Variants in LIN54 observed in about 807,000 individuals in gnomAD.
The protein encoded by LIN54 is protein lin-54 homolog.
LIN54 carries 9 observed loss-of-function variants against 78.7 expected under a neutral mutation model. That is an observed-to-expected ratio of 0.11 (90% CI 0.07 to 0.20). The LOEUF (loss-of-function observed/expected upper bound fraction) is 0.20, where lower values mean the gene tolerates loss of function less well. Among genes scored for constraint, LIN54 ranks in the 10% least tolerant of loss-of-function variants. The pLI, the probability that LIN54 is intolerant of heterozygous loss-of-function variation, is 1.00. For missense variants in LIN54, 573 were observed against 889.9 expected (o/e 0.64, Z 4.53); for synonymous variants, 269 against 318.4 (o/e 0.84, Z 1.65).
At chr4:83,005,456 G>A (rs1055193937) in intron 1 of LIN54, among the ~76,000 whole-genome samples, 3 of 151,982 alleles carry the variant, frequency 2.0e-5, no homozygotes, top group African/African-American at 7.2e-5. Context: ...TGGCCAACAT[G>A]GGGAAAGCCC....
chr4:82,984,047 T>C (rs1006888648), intron 2 of LIN54, 114 bp downstream of exon 2: 24 of 719,054 alleles, frequency 3.3e-5, no homozygotes, highest in South Asian at 2.4e-4. Flanking sequence ...TAAAACAACA[T>C]TCAAAAGAAT....
chr4:82,973,516 A>G (rs1725859210), intron 3 of LIN54, among the ~76,000 whole-genome samples: 4 of 152,192 alleles, frequency 2.6e-5, no homozygotes, highest in Admixed American at 6.5e-5. Flanking sequence ...GTTGTCAGGT[A>G]TTCTCCAAGA....
chr4:82,979,842 CAGG>C (rs1321001933), intron 2 of LIN54, among the ~76,000 whole-genome samples: 5 of 145,638 alleles, frequency 3.4e-5, no homozygotes, highest in African/African-American at 5.1e-5. Flanking sequence ...GAGGCTGAGG[CAGG>C]AGAATTGCTT....
At chr4:82,953,863 C>T (rs955680488) in intron 4 of LIN54, among the ~76,000 whole-genome samples, 8 of 152,018 alleles carry the variant, frequency 5.3e-5, no homozygotes, top group African/African-American at 1.9e-4. Flanking sequence ...TTGTCTCAGC[C>T]TGGGAGGTGA....
intron 1 of LIN54, among the ~76,000 whole-genome samples, chr4:83,006,867 T>A (rs1366497957): frequency 6.6e-6 from 1 of 152,230 alleles, no homozygotes; most frequent in Non-Finnish European, 1.5e-5. Context: ...GGGCCAGGCG[T>A]GATGGCTCAC....
chr4:82,945,647 C>T (rs988844040), intron 5 of LIN54, among the ~76,000 whole-genome samples: 1 of 152,058 alleles, frequency 6.6e-6, no homozygotes, highest in Non-Finnish European at 1.5e-5. Context: ...GCACACACCA[C>T]CACACCCGGC....
chr4:82,950,330 C>T (rs377046268), intron 4 of LIN54, among the ~76,000 whole-genome samples: 22 of 152,304 alleles, frequency 1.4e-4, no homozygotes, highest in Admixed American at 9.8e-4. Context: ...AACACTCTCT[C>T]CCCAGCCCTA....
chr4:82,952,059 G>A (rs998865509), intron 4 of LIN54, among the ~76,000 whole-genome samples: 1 of 152,112 alleles, frequency 6.6e-6, no homozygotes, highest in Non-Finnish European at 1.5e-5. Flanking sequence ...TCACAACACT[G>A]GGTCTGGCAA....
chr4:82,984,208 T>C lies in LIN54; in HGVS notation c.637A>G (p.Thr213Ala), dbSNP rs1381271320. Residue 213 changes from threonine to alanine, a missense_variant, in exon 2 of 13, where the codon ACA becomes GCA. Physicochemically the swap from Thr to Ala is moderately conservative, Grantham distance 58 (BLOSUM62 0). Transcript: ENST00000340417. ...LTPGSQLINT[T>A]TQPSVLQTQQ... ...GTCTGTAACACAGAGGGCTGAGTTG[T>C]AGTATTAATCAGTTGACTTCCTGGG... 1.2e-6 allele frequency: 2 copies of C among 1,614,022 alleles called. No individual in the cohort carries two copies. The highest frequency in any genetic ancestry group is 4.5e-5 in the East Asian group (2 of 44,896).
intron 4 of LIN54, among the ~76,000 whole-genome samples, chr4:82,948,434 T>C (rs1482668738): frequency 6.6e-6 from 1 of 152,232 alleles, no homozygotes; most frequent in Admixed American, 6.5e-5. Context: ...TGATTGTGTA[T>C]ATTTAAGGTA....
At chr4:82,973,062 C>T (rs561850335) in intron 3 of LIN54, among the ~76,000 whole-genome samples, 36 of 151,284 alleles carry the variant, frequency 2.4e-4, no homozygotes, top group Non-Finnish European at 4.4e-4. Flanking sequence ...ACAAAAGTTT[C>T]ATTATAAATT....
intron 4 of LIN54, 110 bp from the exon 5 acceptor site, chr4:82,946,584 A>C: frequency 1.3e-6 from 1 of 797,106 alleles, no homozygotes; most frequent in Non-Finnish European, 2.0e-6. Flanking sequence ...ATTGCATCAA[A>C]AGCTGCTGAA....
At chr4:82,973,005 C>T (rs1023893924) in intron 3 of LIN54, among the ~76,000 whole-genome samples, 7 of 146,488 alleles carry the variant, frequency 4.8e-5, no homozygotes, top group Admixed American at 4.8e-4. Flanking sequence ...CTGAGGATAA[C>T]TGGTATCAGA....
chr4:83,012,104 T>TA, upstream of LIN54: 2 of 842,850 alleles, frequency 2.4e-6, no homozygotes, highest in Non-Finnish European at 1.4e-6. Context: ...TTGCTGTTTT[T>TA]ATATGCAGAC....
At chr4:82,941,548 G>T (rs897743282) in intron 5 of LIN54, among the ~76,000 whole-genome samples, 1 of 152,116 alleles carries the variant, frequency 6.6e-6, no homozygotes, top group African/African-American at 2.4e-5. Flanking sequence ...TGAAATAAAA[G>T]AAAAATTAAT....
chr4:83,006,341 C>T (rs944857420), intron 1 of LIN54, among the ~76,000 whole-genome samples: 4 of 150,964 alleles, frequency 2.6e-5, no homozygotes, highest in African/African-American at 4.9e-5. Context: ...CCCAGCTACT[C>T]GGGAGGCTGA....
intron 1 of LIN54, among the ~76,000 whole-genome samples, chr4:82,990,518 C>T (rs894726072): frequency 2.6e-5 from 4 of 151,822 alleles, no homozygotes; most frequent in East Asian, 1.9e-4. Context: ...GAGTCTCACT[C>T]GGTCGCCCAG....
intron 3 of LIN54, among the ~76,000 whole-genome samples, chr4:82,972,670 A>ATTACAT (rs1356861604): frequency 6.6e-6 from 1 of 152,190 alleles, no homozygotes; most frequent in Non-Finnish European, 1.5e-5. Flanking sequence ...TGTGTTAGGA[A>ATTACAT]TTACATATCT....
At chr4:82,946,835 T>C (rs183412784) in intron 4 of LIN54, among the ~76,000 whole-genome samples, 67 of 152,252 alleles carry the variant, frequency 4.4e-4, no homozygotes, top group African/African-American at 1.5e-3. Context: ...CCATATTCAA[T>C]ATAGAGAAAA....
Sources: allele counts gnomAD v4.1 joint callset (sites outside exome capture counted in the v4.1 genomes callset), GRCh38; gene constraint gnomAD v4.1.1; transcripts MANE v1.5; gene names NCBI Gene and HGNC (gene_info 2026-07-23, HGNC 2026-07-21).